Variants in KATNAL2 observed in about 807,000 individuals in gnomAD.
KATNAL2 encodes the protein katanin p60 ATPase-containing subunit A-like 2.
Under a neutral mutation model 76.3 loss-of-function variants are expected in KATNAL2, and 52 were observed. The ratio of observed to expected loss-of-function variants is 0.68; its 90% CI spans 0.55 to 0.86. KATNAL2 has a LOEUF of 0.86. KATNAL2 is among the 40% of genes least tolerant of loss of function. The probability of loss-of-function intolerance (pLI) is 0.00; values close to 1 mark genes in which losing one functional copy is unlikely to be tolerated. For synonymous variants in KATNAL2, 243 were observed against 244.2 expected (o/e 1.00, Z 0.05); for missense variants, 660 against 668.9 (o/e 0.99, Z 0.15).
intron 3 of KATNAL2, among the ~76,000 whole-genome samples, chr18:47,039,665 C>A (rs2060897713): frequency 6.6e-6 from 1 of 152,214 alleles, no homozygotes; most frequent in Admixed American, 6.5e-5. Flanking sequence ...GCACACAGAA[C>A]ACTAGCTACT....
intron 1 of KATNAL2, among the ~76,000 whole-genome samples, chr18:46,943,306 G>A (rs1021714735): frequency 6.6e-6 from 1 of 152,102 alleles, no homozygotes; most frequent in Non-Finnish European, 1.5e-5. Flanking sequence ...ATAGAAGCTG[G>A]GTAAAATGAG....
intron 1 of KATNAL2, among the ~76,000 whole-genome samples, chr18:46,928,179 G>A (rs4630643): frequency 0.4 from 60,729 of 151,878 alleles, 12,594 homozygotes; most frequent in Middle Eastern, 0.51. Flanking sequence ...TAGAGTTTCC[G>A]GTTTTTCTAC....
rs191090458 is a variant in KATNAL2, at chr18:46,958,696, T to C, written c.51+11773T>C. ...TAATCTGTATACCTCTGCCACTTTC[T>C]TTTTCTTAACCTGAATGTAAGAATC... On this transcript the variant is annotated intron_variant, in intron 3 of 17. Transcript: ENST00000683218. 1.1e-3 allele frequency among the ~76,000 whole-genome samples: 163 copies of C among 152,368 alleles called. 1 individual carries two copies. Among genetic ancestry groups the C allele is most frequent in the African/African-American group, 3.8e-3 (159 of 41,588 alleles).
chr18:47,034,819 C>T (rs747117761), intron 3 of KATNAL2: 2 of 1,612,136 alleles, frequency 1.2e-6, no homozygotes, highest in South Asian at 1.1e-5. Flanking sequence ...TCTGGGCTCG[C>T]GACTGTGAGA....
At chr18:47,093,312 A>G (rs2063080966) in intron 15 of KATNAL2, among the ~76,000 whole-genome samples, 1 of 151,848 alleles carries the variant, frequency 6.6e-6, no homozygotes, top group African/African-American at 2.4e-5. Context: ...GCTTTTATTA[A>G]TATTTCACAT....
At chr18:47,063,698 G>C (rs993598040) in intron 10 of KATNAL2, among the ~76,000 whole-genome samples, 1 of 152,164 alleles carries the variant, frequency 6.6e-6, no homozygotes, top group African/African-American at 2.4e-5. Flanking sequence ...GAGTATGTCT[G>C]CATCTGGTTT....
Position 46,938,372 on chromosome 18 carries a change from T to A in KATNAL2, c.-509-7685T>A, listed in dbSNP as rs78234249. Reference sequence around the variant, plus strand: ...GGATGGGAATAGGATCTGTAAAGGCTATTTTGGGTATTCCACTATACTTAA... The same window carrying A: ...GGATGGGAATAGGATCTGTAAAGGCAATTTTGGGTATTCCACTATACTTAA... On this transcript the variant is annotated intron_variant, in intron 1 of 17. Transcript: ENST00000683218. 4.5e-4 allele frequency among the ~76,000 whole-genome samples: 68 copies of A among 152,324 alleles called. No homozygotes were observed. The East Asian group carries it at 0.012, about 27-fold the overall frequency.
At chr18:47,043,507 A>G (rs1228246876) in intron 3 of KATNAL2, among the ~76,000 whole-genome samples, 1 of 152,204 alleles carries the variant, frequency 6.6e-6, no homozygotes, top group African/African-American at 2.4e-5. Flanking sequence ...TACTGGAAGC[A>G]TGGCGGAAAG....
At chr18:46,919,952 A>G (rs1031070624) in intron 1 of KATNAL2, 22 of 668,786 alleles carry the variant, frequency 3.3e-5, no homozygotes, top group Middle Eastern at 2.9e-4. Flanking sequence ...GGAATAGACG[A>G]ATAGAGTACA....
At chr18:47,032,665 A>T (rs1252399212) in intron 3 of KATNAL2, 1 of 355,676 alleles carries the variant, frequency 2.8e-6, no homozygotes, top group East Asian at 5.9e-5. Context: ...TTGATTTCGA[A>T]AAAAAAAAGA....
At chr18:47,078,600 G>A (rs2085636627) in intron 15 of KATNAL2, among the ~76,000 whole-genome samples, 1 of 152,176 alleles carries the variant, frequency 6.6e-6, no homozygotes, top group South Asian at 2.1e-4. Context: ...CATAACCACT[G>A]GGGGTGAATA....
chr18:47,078,404 T>G (rs1248957518), intron 15 of KATNAL2, among the ~76,000 whole-genome samples: 1 of 152,220 alleles, frequency 6.6e-6, no homozygotes, highest in Non-Finnish European at 1.5e-5. Context: ...TGGCTCCACC[T>G]CCCCTTGAAT....
intron 3 of KATNAL2, 149 bp downstream of exon 3, chr18:46,947,072 T>A (rs190259435): frequency 1.2e-4 from 82 of 671,060 alleles, no homozygotes; most frequent in Non-Finnish European, 2.7e-6. Context: ...CCGAGGTGGT[T>A]AAATCCCGGG....
chr18:46,931,316 T>G (rs1049195671), intron 1 of KATNAL2, among the ~76,000 whole-genome samples: 7 of 149,728 alleles, frequency 4.7e-5, no homozygotes, highest in African/African-American at 9.8e-5. Flanking sequence ...AAAAAAGAAA[T>G]AAATCAAAAT....
intron 3 of KATNAL2, among the ~76,000 whole-genome samples, chr18:46,953,705 C>T (rs1351101393): frequency 6.6e-6 from 1 of 151,806 alleles, no homozygotes. Context: ...TGCAGTGAGC[C>T]GTGATCACAC....
intron 8 of KATNAL2, among the ~76,000 whole-genome samples, chr18:47,060,720 G>T (rs556338505): frequency 6.6e-6 from 1 of 152,144 alleles, no homozygotes; most frequent in East Asian, 1.9e-4. Context: ...TTGGAGGGGT[G>T]ACTGGAGCAT....
rs149505153 is a variant in KATNAL2, at chr18:47,100,308, A to G, written c.1429A>G (p.Met477Val). ...DIKLVCREAA[M>V]RPVRKIFDAL... is the part of the protein sequence containing the mutation. ...TAAGCTCGTCTGCAGGGAAGCAGCC[A>G]TGCGGCCCGTGAGGAAGATCTTTGA... Residue 477 changes from methionine (M) to valine (V), a missense_variant, in exon 17 of 18, where the codon ATG (methionine) becomes GTG (valine). Met to Val is a conservative substitution (Grantham distance 21, BLOSUM62 1). Transcript: ENST00000683218. 2.6e-4 allele frequency: 416 copies of G among 1,614,060 alleles called. No homozygotes were observed. The highest frequency in any genetic ancestry group is 3.3e-4 in the Non-Finnish European group (386 of 1,180,006).
At chr18:47,069,695 T>C (rs2061929433) in intron 13 of KATNAL2, 95 bp downstream of exon 13, 1 of 783,058 alleles carries the variant, frequency 1.3e-6, no homozygotes. Context: ...GGTGATTTTA[T>C]GTGAGATCTC....
At position 46,961,867 on chromosome 18, in the gene KATNAL2, G is replaced by T. The variant is rs148529143; in HGVS notation, c.51+14944G>T. On this transcript the variant is annotated intron_variant, in intron 3 of 17. Coordinates refer to ENST00000683218, the MANE Select transcript of KATNAL2 (RefSeq NM_001387690.1). ...GTTTTGTCAGTGATTATTTTTAGGA[G>T]GGCCTGCAACCGTATGATATGATTG... is the stretch of plus-strand genomic sequence containing the variant. Among the ~76,000 whole-genome samples the T allele has an allele frequency of 7.2e-5, 11 of 152,292 alleles. No individual in the cohort carries two copies. The East Asian group carries it at 2.1e-3, about 29-fold the overall frequency.
Sources: allele counts gnomAD v4.1 joint callset (sites outside exome capture counted in the v4.1 genomes callset), GRCh38; gene constraint gnomAD v4.1.1; transcripts MANE v1.5; gene names NCBI Gene and HGNC (gene_info 2026-07-23, HGNC 2026-07-21).